The following CPNE4 variants were observed in gnomAD, a reference collection of about 807,000 sequenced individuals.
CPNE4 encodes copine-4.
Under a neutral mutation model 67.9 loss-of-function variants are expected in CPNE4, and 25 were observed. The observed-to-expected ratio is 0.37, with a 90% CI of 0.27 to 0.51. CPNE4 has a LOEUF of 0.51. CPNE4 is among the 20% of genes least tolerant of loss of function. The probability of loss-of-function intolerance (pLI) is 0.93; values close to 1 mark genes in which losing one functional copy is unlikely to be tolerated. For missense variants in CPNE4, 464 were observed against 690.8 expected (o/e 0.67, Z 3.68); for synonymous variants, 242 against 244.9 (o/e 0.99, Z 0.11).
chr3:131,898,539 T>C (rs2088424858), intron 2 of CPNE4, among the ~76,000 whole-genome samples: 1 of 152,156 alleles, frequency 6.6e-6, no homozygotes, highest in East Asian at 1.9e-4. Context: ...ATCTGTAACC[T>C]GAATTTCCCT....
intron 1 of CPNE4, among the ~76,000 whole-genome samples, chr3:131,973,420 T>C (rs2072555073): frequency 6.6e-6 from 1 of 152,208 alleles, no homozygotes; most frequent in Non-Finnish European, 1.5e-5. Context: ...GTGATGATGA[T>C]GATATCTGAT....
At chr3:131,728,826 C>A (rs1304697494) in intron 2 of CPNE4, among the ~76,000 whole-genome samples, 3 of 142,470 alleles carry the variant, frequency 2.1e-5, no homozygotes, top group African/African-American at 5.2e-5. Context: ...GGGAGAATGG[C>A]GTGAACCCGG....
rs536794401 is a variant in CPNE4 at position 131,626,101 on chromosome 3, A to G, written c.682-38519T>C. Reference sequence around the variant, plus strand: ...TTCTCCACCAACTGGCTATTCTCCCATCTCTCTCCCTCTCCTTGGGCCTTC... The same window carrying G: ...TTCTCCACCAACTGGCTATTCTCCCGTCTCTCTCCCTCTCCTTGGGCCTTC... On this transcript the variant is annotated intron_variant, in intron 7 of 15. Coordinates refer to ENST00000429747, the MANE Select transcript of CPNE4 (RefSeq NM_130808.3). Among the ~76,000 whole-genome samples, 49 of 152,252 alleles carry G rather than the reference A, an allele frequency of 3.2e-4. No individual in the cohort carries two copies. In the East Asian group the frequency reaches 8.7e-3, roughly 27 times the overall value.
chr3:131,636,722 G>A (rs1236561581), intron 7 of CPNE4, among the ~76,000 whole-genome samples: 1 of 152,182 alleles, frequency 6.6e-6, no homozygotes, highest in East Asian at 1.9e-4. Flanking sequence ...CCTGGCTGGA[G>A]GCCAATCAAC....
chr3:131,847,731 T>C (rs907587231), intron 2 of CPNE4, among the ~76,000 whole-genome samples: 2 of 152,182 alleles, frequency 1.3e-5, no homozygotes, highest in African/African-American at 4.8e-5. Flanking sequence ...TGTTTCTCTT[T>C]TTTCTTAAGG....
At chr3:131,979,311 C>T (rs921571331) in intron 1 of CPNE4, among the ~76,000 whole-genome samples, 4 of 152,070 alleles carry the variant, frequency 2.6e-5, no homozygotes, top group African/African-American at 9.7e-5. Flanking sequence ...TATTGTGTTG[C>T]TGTCTATCTC....
At chr3:131,996,245 T>C (rs965267980) in intron 1 of CPNE4, among the ~76,000 whole-genome samples, 8 of 152,044 alleles carry the variant, frequency 5.3e-5, no homozygotes, top group Non-Finnish European at 1.2e-4. Context: ...GAGCAAAAGG[T>C]TGGATGCCTT....
intron 2 of CPNE4, among the ~76,000 whole-genome samples, chr3:131,741,766 G>A (rs1228491708): frequency 6.6e-6 from 1 of 152,150 alleles, no homozygotes; most frequent in Non-Finnish European, 1.5e-5. Flanking sequence ...TTACTAGTGA[G>A]CCAGCCTCCT....
chr3:131,587,912 C>A lies in CPNE4; in HGVS notation c.682-330G>T, dbSNP rs1238751422. 2.0e-5 allele frequency among the ~76,000 whole-genome samples: 3 copies of A among 152,170 alleles called. No homozygotes were observed. The East Asian group carries it at 5.8e-4, about 29-fold the overall frequency. On this transcript the variant is annotated intron_variant, in intron 7 of 15. Coordinates refer to ENST00000429747, the MANE Select transcript of CPNE4 (RefSeq NM_130808.3). ...AAAACCTGGGACTTGAAGGCAGGTG[C>A]CCTGCTTCCAATTCCAGTACTCTTT...
At chr3:131,812,353 C>T (rs2084567576) in intron 2 of CPNE4, among the ~76,000 whole-genome samples, 1 of 151,868 alleles carries the variant, frequency 6.6e-6, no homozygotes. Context: ...AAAATGAATG[C>T]TCAGGAAGTG....
chr3:131,760,349 A>T (rs2082856176), intron 2 of CPNE4, among the ~76,000 whole-genome samples: 1 of 152,182 alleles, frequency 6.6e-6, no homozygotes, highest in Admixed American at 6.5e-5. Flanking sequence ...TAGATGAAGA[A>T]AAAGAGGCTC....
chr3:131,875,318 A>G (rs1449305714), intron 2 of CPNE4, among the ~76,000 whole-genome samples: 1 of 152,190 alleles, frequency 6.6e-6, no homozygotes, highest in Non-Finnish European at 1.5e-5. Context: ...CAGCCATCCC[A>G]TTACTGGGTA....
At chr3:131,814,389 C>T (rs530016549) in intron 2 of CPNE4, among the ~76,000 whole-genome samples, 1 of 151,862 alleles carries the variant, frequency 6.6e-6, no homozygotes, top group African/African-American at 2.4e-5. Context: ...GGAAGTGATT[C>T]ATTACTCATA....
At chr3:131,562,567 A>C (rs1232451408) in intron 11 of CPNE4, among the ~76,000 whole-genome samples, 1 of 152,052 alleles carries the variant, frequency 6.6e-6, no homozygotes, top group Admixed American at 6.6e-5. Flanking sequence ...CTTGTCTCTC[A>C]ATATGTGCAC....
At chr3:131,998,718 T>TA (rs2073356203) in intron 1 of CPNE4, among the ~76,000 whole-genome samples, 20 of 19,468 alleles carry the variant, frequency 1.0e-3, no homozygotes, top group Admixed American at 6.8e-4. Flanking sequence ...GATACAGAAA[T>TA]GAAAAGATGG....
At chr3:131,918,633 G>C (rs529885012) in intron 1 of CPNE4, among the ~76,000 whole-genome samples, 4 of 152,250 alleles carry the variant, frequency 2.6e-5, no homozygotes, top group African/African-American at 9.6e-5. Flanking sequence ...TTTCTACAGA[G>C]CTGTGTGCTA....
At chr3:131,585,867 G>A (rs1248779119) in intron 8 of CPNE4, among the ~76,000 whole-genome samples, 2 of 152,124 alleles carry the variant, frequency 1.3e-5, no homozygotes, top group Admixed American at 6.6e-5. Flanking sequence ...TGGCTTGTGG[G>A]TGATGGTCTC....
At chr3:131,860,159 G>T (rs552801941) in intron 2 of CPNE4, among the ~76,000 whole-genome samples, 6 of 152,130 alleles carry the variant, frequency 3.9e-5, no homozygotes, top group South Asian at 2.1e-4. Context: ...AAGTTATGTT[G>T]GTGCATCACA....
chr3:131,686,193 T>C (rs1875617), intron 5 of CPNE4, among the ~76,000 whole-genome samples: 53,399 of 152,110 alleles, frequency 0.35, 11,165 homozygotes, highest in Non-Finnish European at 0.48. Context: ...AGATCCACCC[T>C]TGGCTAGAAT....
Sources: gnomAD v4.1 joint callset for allele counts (sites outside exome capture counted in the v4.1 genomes callset) on GRCh38, gnomAD v4.1.1 for gene constraint, MANE v1.5 for transcripts, NCBI Gene and HGNC (gene_info 2026-07-23, HGNC 2026-07-21) for gene names.